The following EYS variants were observed in gnomAD, a reference collection of about 807,000 sequenced individuals.
The protein encoded by EYS is protein eyes shut homolog.
In EYS, 250 loss-of-function variants were observed where a neutral mutation model predicts 282.1. The ratio of observed to expected loss-of-function variants is 0.89; its 90% CI spans 0.80 to 0.98. The LOEUF (loss-of-function observed/expected upper bound fraction) is 0.98, where lower values mean the gene tolerates loss of function less well. Ranked by LOEUF, EYS falls within the 50% of genes least tolerant of loss-of-function variation. EYS has a pLI of 0.00. For synonymous variants in EYS, 1,355 were observed against 1,282.9 expected, an observed-to-expected ratio of 1.06 and a Z score of -1.20; for missense variants, 4,016 against 3,709.0, an observed-to-expected ratio of 1.08 and a Z score of -2.15.
chr6:64,393,014 T>C (rs1306258620), intron 28 of EYS, among the ~76,000 whole-genome samples: 2 of 152,092 alleles, frequency 1.3e-5, no homozygotes, highest in Non-Finnish European at 2.9e-5. Flanking sequence ...ACGCAAATAC[T>C]AAAGTAGAAA....
At chr6:64,653,513 T>C (rs1259153774) in intron 22 of EYS, among the ~76,000 whole-genome samples, 1 of 152,168 alleles carries the variant, frequency 6.6e-6, no homozygotes, top group African/African-American at 2.4e-5. Context: ...CAATTTGACA[T>C]GTTTCAGTTC....
intron 8 of EYS, among the ~76,000 whole-genome samples, chr6:65,370,823 T>C (rs1258780479): frequency 6.6e-6 from 1 of 151,952 alleles, no homozygotes; most frequent in African/African-American, 2.4e-5. Context: ...TTGGCATAAT[T>C]TGCCTTTAGG....
chr6:63,896,942 A>G (rs1052849590), intron 35 of EYS, among the ~76,000 whole-genome samples: 1 of 152,174 alleles, frequency 6.6e-6, no homozygotes, highest in Non-Finnish European at 1.5e-5. Flanking sequence ...TCACCTACTG[A>G]AGTATATTTT....
intron 35 of EYS, among the ~76,000 whole-genome samples, chr6:63,950,180 AAAAC>A (rs1279372173): frequency 1.3e-3 from 193 of 151,294 alleles, no homozygotes; most frequent in African/African-American, 4.3e-3. Context: ...TCAAAAAACA[AAAAC>A]AAAACAAAAC....
At chr6:63,832,654 C>T (rs1771677378) in intron 36 of EYS, among the ~76,000 whole-genome samples, 1 of 152,162 alleles carries the variant, frequency 6.6e-6, no homozygotes, top group Non-Finnish European at 1.5e-5. Flanking sequence ...GGAGCTGGTA[C>T]CATTCCTTCT....
chr6:64,778,530 G>A (rs142107281), intron 22 of EYS, among the ~76,000 whole-genome samples: 85 of 152,212 alleles, frequency 5.6e-4, no homozygotes, highest in African/African-American at 1.7e-3. Flanking sequence ...CTTCTTGTTC[G>A]TTGGCTGCTT....
intron 29 of EYS, among the ~76,000 whole-genome samples, chr6:64,369,843 T>C (rs1033965367): frequency 2.6e-5 from 4 of 152,096 alleles, no homozygotes; most frequent in Admixed American, 2.0e-4. Flanking sequence ...ATATTGTTGT[T>C]GTATAGGACT....
At chr6:65,175,009 C>T (rs1178677383) in intron 12 of EYS, among the ~76,000 whole-genome samples, 6 of 151,148 alleles carry the variant, frequency 4.0e-5, no homozygotes, top group Non-Finnish European at 8.9e-5. Flanking sequence ...TATATAGTAT[C>T]ATTCATTTCA....
intron 31 of EYS, among the ~76,000 whole-genome samples, chr6:64,200,531 C>A (rs942434857): frequency 2.0e-5 from 3 of 151,932 alleles, no homozygotes; most frequent in African/African-American, 7.3e-5. Context: ...AAAGAAAACA[C>A]CAAAAGAAAG....
At chr6:65,387,513 C>T (rs1483283059) in intron 7 of EYS, among the ~76,000 whole-genome samples, 1 of 151,436 alleles carries the variant, frequency 6.6e-6, no homozygotes, top group Non-Finnish European at 1.5e-5. Context: ...CAATATTTTA[C>T]TAACAGTAAA....
chr6:64,361,213 T>TA (rs1189983280), intron 29 of EYS, among the ~76,000 whole-genome samples: 6 of 151,112 alleles, frequency 4.0e-5, no homozygotes, highest in Non-Finnish European at 8.9e-5. Context: ...AAAATATGGT[T>TA]TTTTTTTGTG....
At chr6:64,393,916 T>A (rs1336170906) in intron 28 of EYS, among the ~76,000 whole-genome samples, 1 of 151,920 alleles carries the variant, frequency 6.6e-6, no homozygotes, top group Admixed American at 6.6e-5. Flanking sequence ...CTTAAGCTGA[T>A]AAGCAACTTC....
At chr6:65,399,111 C>A (rs868305393) in intron 7 of EYS, among the ~76,000 whole-genome samples, 3 of 151,982 alleles carry the variant, frequency 2.0e-5, no homozygotes, top group Admixed American at 6.6e-5. Flanking sequence ...AGCTGGTCTC[C>A]CTTCCCTTGG....
Position 64,539,218 on chromosome 6 carries a change from T to G in EYS, c.5644+51005A>C, listed in dbSNP as rs527393759. On this transcript the variant is annotated intron_variant, in intron 26 of 42. Coordinates refer to ENST00000503581, the MANE Select transcript of EYS (RefSeq NM_001142800.2). ...TACTTAACACTACAGAACTTCACAC[T>G]TAAAAATTAAGTTAGTAAATTTTGT... Among the ~76,000 whole-genome samples the G allele has an allele frequency of 7.3e-4, 111 of 152,308 alleles. No homozygotes were observed. In the South Asian group the frequency reaches 0.021, roughly 29 times the overall value.
chr6:64,391,827 T>A (rs933293706), intron 28 of EYS, among the ~76,000 whole-genome samples: 22 of 152,176 alleles, frequency 1.4e-4, no homozygotes, highest in African/African-American at 5.3e-4. Flanking sequence ...AGACAAAGAC[T>A]GGCAAATTGG....
chr6:65,515,273 T>C (rs916590527), intron 2 of EYS, among the ~76,000 whole-genome samples: 8 of 151,798 alleles, frequency 5.3e-5, no homozygotes, highest in Non-Finnish European at 8.8e-5. Flanking sequence ...ATGGCAATCA[T>C]TAAAAAGTCA....
intron 15 of EYS, among the ~76,000 whole-genome samples, chr6:64,930,460 G>GT (rs1243000921): frequency 2.4e-5 from 1 of 41,488 alleles, no homozygotes; most frequent in Non-Finnish European, 4.1e-5. Context: ...CATAAATAAG[G>GT]TAAAAAAAAA....
At chr6:65,577,633 G>C (rs865832926) in intron 2 of EYS, among the ~76,000 whole-genome samples, 2 of 151,464 alleles carry the variant, frequency 1.3e-5, no homozygotes. Flanking sequence ...ACACAGTGAA[G>C]AGGCAGTCTA....
At chr6:64,585,385 G>A (rs537420456) in intron 26 of EYS, among the ~76,000 whole-genome samples, 3 of 152,218 alleles carry the variant, frequency 2.0e-5, no homozygotes, top group African/African-American at 7.2e-5. Flanking sequence ...CTACTTGGAT[G>A]ATGGGATCTG....
Sources: gnomAD v4.1 joint callset for allele counts (sites outside exome capture counted in the v4.1 genomes callset) on GRCh38, gnomAD v4.1.1 for gene constraint, MANE v1.5 for transcripts, NCBI Gene and HGNC (gene_info 2026-07-23, HGNC 2026-07-21) for gene names.